The following IPO9 variants were observed in gnomAD, a reference collection of about 807,000 sequenced individuals.
The protein encoded by IPO9 is importin 9.
Under a neutral mutation model 128.6 loss-of-function variants are expected in IPO9, and 28 were observed. The ratio of observed to expected loss-of-function variants is 0.22; its 90% CI spans 0.16 to 0.30. IPO9 has a LOEUF of 0.30. IPO9 is among the 10% of genes least tolerant of loss of function. The pLI is 1.00. For synonymous variants in IPO9, 455 were observed against 475.8 expected (o/e 0.96, Z 0.57); for missense variants, 935 against 1,293.9 (o/e 0.72, Z 4.26).
At chr1:201,831,256 C>T (rs776506932) in intron 1 of IPO9, among the ~76,000 whole-genome samples, 1 of 152,128 alleles carries the variant, frequency 6.6e-6, no homozygotes, top group Non-Finnish European at 1.5e-5. Context: ...GACTGCCCCC[C>T]GACCCCCATA....
At chr1:201,846,858 G>A (rs1486888786) in intron 1 of IPO9, among the ~76,000 whole-genome samples, 1 of 152,044 alleles carries the variant, frequency 6.6e-6, no homozygotes, top group Non-Finnish European at 1.5e-5. Context: ...TAGTAGAGAT[G>A]GGGTTTCACC....
At chr1:201,845,258 C>T (rs1317985005) in intron 1 of IPO9, among the ~76,000 whole-genome samples, 2 of 152,152 alleles carry the variant, frequency 1.3e-5, no homozygotes, top group East Asian at 1.9e-4. Context: ...TCAGGTGATC[C>T]GCCCACTCCC....
intron 13 of IPO9, among the ~76,000 whole-genome samples, chr1:201,861,291 T>G (rs1158096571): frequency 6.6e-6 from 1 of 152,242 alleles, no homozygotes; most frequent in African/African-American, 2.4e-5. Context: ...GTTTCTCACT[T>G]ACAGTGGTTG....
intron 1 of IPO9, among the ~76,000 whole-genome samples, chr1:201,834,381 A>G (rs955830634): frequency 2.0e-5 from 3 of 152,040 alleles, no homozygotes; most frequent in African/African-American, 7.2e-5. Context: ...ACTCAGCTTC[A>G]TCAACTCTTT....
chr1:201,856,067 G>A, intron 10 of IPO9, 133 bp downstream of exon 10: 1 of 731,624 alleles, frequency 1.4e-6, no homozygotes, highest in African/African-American at 1.9e-5. Flanking sequence ...TGAAGTTCTG[G>A]GAAAGGTTTG....
chr1:201,858,538 G>C lies in IPO9; in HGVS notation c.1313G>C (p.Ser438Thr). ...CAAGAAGCTGAGCAAACCAAAAACA[G>C]TGGCACTGAGCACTGGTAAGAGTGA... ...HLQEAEQTKNSGTEHWWKIHE... is the reference protein window; with the variant it reads ...HLQEAEQTKNTGTEHWWKIHE... The change falls in exon 12 of 24, where the codon AGT becomes ACT. Residue 438 changes from serine to threonine, a missense_variant. By Grantham distance (58) the Ser-to-Thr change is moderately conservative. Around this residue, in one of 3 missense-constraint regions of IPO9, gnomAD observed 741 missense variants for 1,019.1 expected, o/e 0.73. Transcript: ENST00000361565. 1.3e-6 allele frequency: 2 copies of C among 1,584,570 alleles called. No homozygotes were observed. The highest frequency in any genetic ancestry group is 2.3e-5 in the South Asian group (2 of 87,412).
At chr1:201,857,516 C>A in intron 11 of IPO9, among the ~76,000 whole-genome samples, 1 of 152,140 alleles carries the variant, frequency 6.6e-6, no homozygotes, top group East Asian at 1.9e-4. Flanking sequence ...CAGTTTATGG[C>A]TGGGCGTGGT....
chr1:201,863,275 C>T (rs1680483739), intron 13 of IPO9, 173 bp from the exon 14 acceptor site: 1 of 462,848 alleles, frequency 2.2e-6, no homozygotes, highest in Admixed American at 3.3e-5. Flanking sequence ...TTGCTTGAAC[C>T]CGGGGGACGG....
chr1:201,870,983 G>A lies in IPO9; in HGVS notation c.2409+125G>A. 2 of 1,322,978 alleles carry A rather than the reference G, an allele frequency of 1.5e-6. No individual in the cohort carries two copies. Among genetic ancestry groups the A allele is most frequent in the Non-Finnish European group, 2.1e-6 (2 of 974,698 alleles). 82.0% of individuals were successfully genotyped at this position (1,322,978 alleles called of 1,614,324 possible). A position where few individuals can be genotyped will look rare whatever the true frequency, so the allele number is the denominator to read the frequency against. On this transcript the variant is annotated intron_variant, in intron 18 of 23. Transcript: ENST00000361565. This position sits in a 1 kb window ranked among gnomAD's most constrained non-coding sequence, Gnocchi z 4.9. ...CTTGTAGGACAGTTAAGTAAAATGG[G>A]ACCTGTCTGATCTGTTTGGCCTAAG...
At chr1:201,865,203 T>C (rs1360612639) in intron 14 of IPO9, among the ~76,000 whole-genome samples, 3 of 149,692 alleles carry the variant, frequency 2.0e-5, no homozygotes, top group South Asian at 4.2e-4. Context: ...ATTTTTCTTT[T>C]TTTTTTTTTT....
intron 23 of IPO9, 72 bp downstream of exon 23, chr1:201,875,300 C>A: frequency 7.6e-7 from 1 of 1,307,738 alleles, no homozygotes; most frequent in South Asian, 1.2e-5. Flanking sequence ...GGGCTCAAAT[C>A]CATTTATAGC....
intron 15 of IPO9, among the ~76,000 whole-genome samples, chr1:201,867,421 A>T (rs1680573360): frequency 6.6e-6 from 1 of 152,166 alleles, no homozygotes; most frequent in African/African-American, 2.4e-5. Context: ...GACATTAGTT[A>T]ATTATATCCA....
rs1407456238 is a variant in IPO9 at position 201,884,000 on chromosome 1, G to A, written c.*7946G>A. ...GGGATTCTAGTGGGTTGAACCGAAC[G>A]GTAGTCCGTTTCCAAAAGAGGAAGC... is the stretch of plus-strand genomic sequence containing the variant. On this transcript the variant is annotated 3_prime_UTR_variant, in exon 24 of 24. Transcript: ENST00000361565. 7 of 152,222 alleles carry A rather than the reference G, an allele frequency of 4.6e-5. No homozygotes were observed. The highest frequency in any genetic ancestry group is 8.8e-5 in the Non-Finnish European group (6 of 68,036). The allele number at this position is 152,222 out of a possible 1,614,324, so 9.4% of individuals were successfully genotyped here.
intron 1 of IPO9, among the ~76,000 whole-genome samples, chr1:201,833,384 G>A (rs893033930): frequency 9.2e-5 from 14 of 152,004 alleles, no homozygotes; most frequent in African/African-American, 3.4e-4. Flanking sequence ...GATTACAGGC[G>A]CGTACCAACA....
At chr1:201,849,825 T>A (rs938418547) in intron 4 of IPO9, among the ~76,000 whole-genome samples, 1 of 152,234 alleles carries the variant, frequency 6.6e-6, no homozygotes, top group African/African-American at 2.4e-5. Flanking sequence ...ATCAGAATGT[T>A]CCTTGCTCAG....
chr1:201,871,389 T>G, intron 19 of IPO9, 62 bp downstream of exon 19: 1 of 1,072,940 alleles, frequency 9.3e-7, no homozygotes, highest in Non-Finnish European at 1.3e-6. Flanking sequence ...TTTTTTTTTT[T>G]TTTTTTTTTT....
At chr1:201,833,793 CT>C (rs1051518584) in intron 1 of IPO9, among the ~76,000 whole-genome samples, 1 of 151,312 alleles carries the variant, frequency 6.6e-6, no homozygotes, top group Admixed American at 6.6e-5. Context: ...TTCTTTCTTT[CT>C]TTTTTTTAAG....
intron 1 of IPO9, among the ~76,000 whole-genome samples, chr1:201,834,476 G>A (rs911181317): frequency 4.6e-5 from 7 of 151,824 alleles, no homozygotes; most frequent in East Asian, 1.9e-4. Context: ...TGGTGTATTC[G>A]TGCTTTATTT....
In IPO9 at chr1:201,829,183, G is replaced by C. The variant is rs1408067885; in HGVS notation, c.-27G>C. ...TCATTCGGTGGCGGGTCCCGGCCGC[G>C]GGGCTGGCGGGCTGAGGGGAGAAAA... On this transcript the variant is annotated 5_prime_UTR_variant, in exon 1 of 24. Coordinates refer to ENST00000361565, the MANE Select transcript of IPO9 (RefSeq NM_018085.5). 9 of 1,470,924 alleles carry C rather than the reference G, an allele frequency of 6.1e-6. No individual in the cohort carries two copies. Among genetic ancestry groups the C allele is most frequent in the South Asian group, 1.3e-5 (1 of 75,090 alleles). 91.1% of individuals were successfully genotyped at this position (1,470,924 alleles called of 1,614,324 possible).
Sources: allele counts gnomAD v4.1 joint callset (sites outside exome capture counted in the v4.1 genomes callset), GRCh38; gene constraint gnomAD v4.1.1; regional missense constraint gnomAD v4.1.1; non-coding constraint Gnocchi (gnomAD v3.1); transcripts MANE v1.5; gene names NCBI Gene and HGNC (gene_info 2026-07-23, HGNC 2026-07-21).